The following FARP1 variants were observed in gnomAD, a reference collection of about 807,000 sequenced individuals.
The protein encoded by FARP1 is FERM, ARHGEF and pleckstrin domain-containing protein 1.
FARP1 carries 52 observed loss-of-function variants against 128.8 expected under a neutral mutation model. That is an observed-to-expected ratio of 0.40 (90% CI 0.32 to 0.51). The LOEUF (loss-of-function observed/expected upper bound fraction) is 0.51. FARP1 is among the 20% of genes least tolerant of loss of function. FARP1 has a pLI of 0.45. For missense variants in FARP1, 1,333 were observed against 1,367.9 expected, an observed-to-expected ratio of 0.97 and a Z score of 0.40; for synonymous variants, 580 against 551.8, an observed-to-expected ratio of 1.05 and a Z score of -0.72.
intron 13 of FARP1, chr13:98,400,318 T>A (rs1206224025): frequency 6.6e-6 from 1 of 152,196 alleles, no homozygotes; most frequent in Non-Finnish European, 1.5e-5. Context: ...AAACAAAAAT[T>A]TGGTTTTGTT....
chr13:98,448,080 G>C, intron 26 of FARP1, 156 bp from the exon 27 acceptor site: 1 of 662,366 alleles, frequency 1.5e-6, no homozygotes, highest in Non-Finnish European at 2.8e-6. Flanking sequence ...CCTCAGGAAC[G>C]CCTGGGTGCT....
At chr13:98,289,435 T>C (rs765207097) in intron 2 of FARP1, among the ~76,000 whole-genome samples, 3 of 152,204 alleles carry the variant, frequency 2.0e-5, no homozygotes, top group Admixed American at 6.5e-5. Flanking sequence ...CTTTAAAAAA[T>C]GCATCTATTT....
In FARP1 at chr13:98,406,041, C is replaced by T. The variant is rs551952849; in HGVS notation, c.1415-3297C>T. The T allele has an allele frequency of 2.6e-5, 4 of 152,308 alleles. No homozygotes were observed. In the East Asian group the frequency reaches 5.8e-4, roughly 22 times the overall value. The allele number at this position is 152,308 out of a possible 1,614,324, so 9.4% of individuals were successfully genotyped here. ...GGACTACTTCAGTGAAAAATTGATT[C>T]CACGTAGTTCTAATAACTCTGTGAC... On this transcript the variant is annotated intron_variant, in intron 13 of 26. Transcript: ENST00000319562.
chr13:98,248,486 A>G (rs1356074746), intron 2 of FARP1, among the ~76,000 whole-genome samples: 2 of 152,178 alleles, frequency 1.3e-5, no homozygotes, highest in African/African-American at 4.8e-5. Context: ...GTTTTAAGAA[A>G]TCATGAGAAG....
intron 1 of FARP1, chr13:98,203,736 T>C (rs1162269655): frequency 6.6e-6 from 1 of 152,150 alleles, no homozygotes; most frequent in Non-Finnish European, 1.5e-5. Flanking sequence ...AGACATATGT[T>C]TTCATTTGTC....
At chr13:98,326,339 C>A (rs1256730204) in intron 2 of FARP1, among the ~76,000 whole-genome samples, 2 of 151,962 alleles carry the variant, frequency 1.3e-5, no homozygotes, top group Non-Finnish European at 2.9e-5. Context: ...TAAAATTTAC[C>A]ACCTTCATCG....
intron 2 of FARP1, among the ~76,000 whole-genome samples, chr13:98,337,671 A>G (rs1887801816): frequency 1.3e-5 from 2 of 151,628 alleles, no homozygotes; most frequent in South Asian, 4.2e-4. Context: ...TGTCAGCTTA[A>G]TCTGTGCTGT....
intron 1 of FARP1, among the ~76,000 whole-genome samples, chr13:98,187,967 AG>A (rs1422408193): frequency 6.6e-6 from 1 of 152,220 alleles, no homozygotes; most frequent in Non-Finnish European, 1.5e-5. Flanking sequence ...CTTGAGACAA[AG>A]AAAATGAAAG....
chr13:98,446,343 G>A (rs1892834327), intron 25 of FARP1, 138 bp downstream of exon 25: 1 of 631,452 alleles, frequency 1.6e-6, no homozygotes, highest in Non-Finnish European at 2.8e-6. Context: ...CTGGCGGGGG[G>A]CCCTGTCCAC....
At chr13:98,401,185 T>A (rs180736041) in intron 13 of FARP1, 5 of 152,242 alleles carry the variant, frequency 3.3e-5, no homozygotes, top group Admixed American at 3.3e-4. Flanking sequence ...CATAAAGACA[T>A]TTACTCTGAC....
chr13:98,279,182 T>C (rs1884813881), intron 2 of FARP1, among the ~76,000 whole-genome samples: 1 of 152,194 alleles, frequency 6.6e-6, no homozygotes, highest in Non-Finnish European at 1.5e-5. Flanking sequence ...AAATAAATAG[T>C]AAATTTCTAA....
intron 26 of FARP1, chr13:98,447,907 C>CT (rs1487667599): frequency 8.8e-5 from 32 of 361,848 alleles, no homozygotes; most frequent in Non-Finnish European, 1.5e-4. Context: ...GGACACGTCC[C>CT]GCCATTCTCT....
At chr13:98,280,565 G>A (rs1288661433) in intron 2 of FARP1, among the ~76,000 whole-genome samples, 1 of 152,236 alleles carries the variant, frequency 6.6e-6, no homozygotes, top group East Asian at 1.9e-4. Flanking sequence ...GACACCCGGT[G>A]TACTGTCAGC....
chr13:98,286,523 C>T (rs552197940), intron 2 of FARP1, among the ~76,000 whole-genome samples: 348 of 152,304 alleles, frequency 2.3e-3, no homozygotes, highest in Non-Finnish European at 3.9e-3. Context: ...GCTTCTCTCT[C>T]TTCTCTTGTC....
In FARP1 at chr13:98,213,393, C is replaced by T. The variant is rs1880852385; in HGVS notation, c.151C>T (p.Gln51Ter). 1.2e-6 allele frequency: 2 copies of T among 1,613,780 alleles called. No individual in the cohort carries two copies. Among genetic ancestry groups the T allele is most frequent in the Non-Finnish European group, 1.7e-6 (2 of 1,179,970 alleles). ...SIKIQMLDDT[Q>*]EAFEVPQRAP... ...CAAAATCCAGATGCTGGATGACACC[C>T]AGGAGGCATTTGAAGTTCCAGTAAG... The change falls in exon 2 of 27, where the codon CAG becomes TAG. Residue 51 changes from glutamine to a stop codon, truncating the protein, a stop_gained. Transcript: ENST00000319562. LOFTEE classifies it high-confidence loss of function.
chr13:98,245,323 G>A (rs2139465216), intron 2 of FARP1: 3 of 985,440 alleles, frequency 3.0e-6, no homozygotes, highest in Non-Finnish European at 3.6e-6. Context: ...TGTCTTACCA[G>A]CTTATTGATA....
intron 2 of FARP1, among the ~76,000 whole-genome samples, chr13:98,213,997 C>G (rs1225529817): frequency 1.3e-5 from 2 of 152,164 alleles, no homozygotes; most frequent in Non-Finnish European, 2.9e-5. Flanking sequence ...TATGGCAGCC[C>G]TAGAGATGGG....
At chr13:98,295,032 A>G (rs1024936834) in intron 2 of FARP1, among the ~76,000 whole-genome samples, 3 of 146,568 alleles carry the variant, frequency 2.0e-5, no homozygotes, top group Non-Finnish European at 3.0e-5. Flanking sequence ...AAAAAAAATT[A>G]TATATATATA....
chr13:98,400,909 G>A (rs1189767294), intron 13 of FARP1: 14 of 152,278 alleles, frequency 9.2e-5, no homozygotes, highest in Non-Finnish European at 1.5e-4. Flanking sequence ...CCATGTATGT[G>A]TAGTGTTCCA....
Sources: allele counts gnomAD v4.1 joint callset (sites outside exome capture counted in the v4.1 genomes callset), GRCh38; gene constraint gnomAD v4.1.1; transcripts MANE v1.5; gene names NCBI Gene and HGNC (gene_info 2026-07-23, HGNC 2026-07-21).